Variants in VAX1 observed in about 807,000 individuals in gnomAD.
VAX1 encodes ventral anterior homeobox 1.
VAX1 carries 6 observed loss-of-function variants against 17.6 expected under a neutral mutation model. The observed-to-expected ratio is 0.34, with a 90% confidence interval of 0.19 to 0.67. The LOEUF (loss-of-function observed/expected upper bound fraction) is 0.67, where lower values mean the gene tolerates loss of function less well. Ranked by LOEUF, VAX1 falls within the 30% of genes least tolerant of loss-of-function variation. The pLI is 0.69. For missense variants in VAX1, 408 were observed against 463.7 expected, an observed-to-expected ratio of 0.88 and a Z score of 1.10; for synonymous variants, 256 against 227.4, an observed-to-expected ratio of 1.13 and a Z score of -1.13.
chr10:117,134,003 T>C lies in VAX1; in HGVS notation c.*5A>G. 6.6e-7 allele frequency: 1 copy of C among 1,513,908 alleles called. No individual in the cohort carries two copies. Among genetic ancestry groups the C allele is most frequent in the East Asian group, 2.7e-5 (1 of 36,928 alleles). The allele number at this position is 1,513,908 out of a possible 1,614,324, so 93.8% of individuals were successfully genotyped here. ...ATAAATATAAATACAGGGAAACACT[T>C]AAAATCAGTCCAGCGCTTTTTTCTC... On this transcript the variant is annotated 3_prime_UTR_variant, in exon 3 of 3. Coordinates refer to ENST00000369206, the MANE Select transcript of VAX1 (RefSeq NM_001112704.2). This position sits in a 1 kb window ranked among gnomAD's most constrained non-coding sequence, Gnocchi z 6.2.
rs748117374 is a variant in VAX1 at position 117,133,910 on chromosome 10, G to A, written c.*98C>T. 2.8e-6 allele frequency: 4 copies of A among 1,420,610 alleles called. No individual in the cohort carries two copies. The highest frequency in any genetic ancestry group is 3.7e-6 in the Non-Finnish European group (4 of 1,094,062). The allele number at this position is 1,420,610 out of a possible 1,614,324, so 88.0% of individuals were successfully genotyped here. On this transcript the variant is annotated 3_prime_UTR_variant, in exon 3 of 3. Transcript: ENST00000369206. ...GCTGTCAGAGGCCTGGTGGGAGCCA[G>A]GAGCCCAGCGCAGGAGCTCTGGGCA...
chr10:117,137,491 C>T lies in VAX1; in HGVS notation c.241+325G>A, dbSNP rs933704861. Among the ~76,000 whole-genome samples the T allele has an allele frequency of 6.6e-6, 1 of 152,226 alleles. No homozygotes were observed. The highest frequency in any genetic ancestry group is 1.5e-5 in the Non-Finnish European group (1 of 68,028). On this transcript the variant is annotated intron_variant, in intron 1 of 2. Transcript: ENST00000369206. The surrounding 1 kb of genome is among the most constrained non-coding windows in gnomAD (Gnocchi z 7.4). ...GGCAGGTCGTCCGGCCCTTGGAGCG[C>T]GCACACCTCCTCCCGGAGTTTTCTG...
downstream of VAX1, chr10:117,131,970 G>A (rs1752859401): frequency 4.3e-6 from 2 of 463,488 alleles, no homozygotes; most frequent in Admixed American, 3.9e-5. Flanking sequence ...AGCATTAGGA[G>A]GCAGAGACTT....
chr10:117,132,214 G>A (rs771839259), downstream of VAX1: 1 of 1,613,600 alleles, frequency 6.2e-7, no homozygotes, highest in East Asian at 2.2e-5. This position sits in a 1 kb window ranked among gnomAD's most constrained non-coding sequence, Gnocchi z 4.9. Context: ...CCGCACTATA[G>A]GGGCTGCCAC....
chr10:117,129,169 C>A (rs146384537), downstream of VAX1: 24 of 152,346 alleles, frequency 1.6e-4, no homozygotes, highest in African/African-American at 5.8e-4. Context: ...CAGGAGGCTG[C>A]AGTGTTTTGG....
At chr10:117,128,610 G>A (rs1473942612), downstream of VAX1, 1 of 152,136 alleles carries the variant, frequency 6.6e-6, no homozygotes, top group African/African-American at 2.4e-5. Context: ...CTGTTTCAGG[G>A]TAAGAAGATA....
rs573970996 is a variant in VAX1 at position 117,136,255 on chromosome 10, G to C, written c.429+217C>G. On this transcript the variant is annotated intron_variant, in intron 2 of 2. Coordinates refer to ENST00000369206, the MANE Select transcript of VAX1 (RefSeq NM_001112704.2). This position sits in a 1 kb window ranked among gnomAD's most constrained non-coding sequence, Gnocchi z 5.0. ...CCTAGGCCAAGGTGGATAAAACATG[G>C]GCCCTGGAGGATTTGGGGATGGCAG... Among the ~76,000 whole-genome samples, 10 of 152,356 alleles carry C rather than the reference G, an allele frequency of 6.6e-5. No homozygotes were observed. In the East Asian group the frequency reaches 1.9e-3, roughly 29 times the overall value.
chr10:117,132,853 C>T (rs1854109019), downstream of VAX1, among the ~76,000 whole-genome samples: 1 of 152,172 alleles, frequency 6.6e-6, no homozygotes, highest in Non-Finnish European at 1.5e-5. This position sits in a 1 kb window ranked among gnomAD's most constrained non-coding sequence, Gnocchi z 4.9. Flanking sequence ...CCTCCCCTTC[C>T]GCAAAGAACT....
downstream of VAX1, chr10:117,131,960 A>T (rs1015181813): frequency 2.3e-6 from 1 of 444,068 alleles, no homozygotes; most frequent in Non-Finnish European, 3.9e-6. Context: ...CTAGAAACCT[A>T]GCATTAGGAG....
Position 117,134,500 on chromosome 10 carries a change from C to A in VAX1, c.513G>T (p.Glu171Asp). The change falls in exon 3 of 3, where the codon GAG (glutamate) becomes GAT (aspartate). Residue 171 changes from glutamate (E) to aspartate (D), a missense_variant. Glu to Asp is a conservative substitution (Grantham distance 45). Transcript: ENST00000369206. This position sits in a 1 kb window ranked among gnomAD's most constrained non-coding sequence, Gnocchi z 6.2. ...GTAGCACGCTGCACGTGGCCGCGGT[C>A]TCCGACACCACCGAGCGTAGCTCCG... The part of the protein sequence containing the change: ...KDSELRSVVS[E>D]TAATCSVLRL... The A allele has an allele frequency of 6.5e-7, 1 of 1,529,732 alleles. No individual in the cohort carries two copies. 94.8% of individuals were successfully genotyped at this position (1,529,732 alleles called of 1,614,324 possible).
In VAX1 at chr10:117,137,348, G is replaced by A. The variant is rs1475369201; in HGVS notation, c.241+468C>T. On this transcript the variant is annotated intron_variant, in intron 1 of 2. Coordinates refer to ENST00000369206, the MANE Select transcript of VAX1 (RefSeq NM_001112704.2). This position sits in a 1 kb window ranked among gnomAD's most constrained non-coding sequence, Gnocchi z 7.4. ...ACCGATCGCGGCCGTGGGGTCCTCG[G>A]CCCAGTGCACTAACTGGCAGGGCCG... Among the ~76,000 whole-genome samples the A allele has an allele frequency of 6.6e-6, 1 of 152,084 alleles. No individual in the cohort carries two copies. The highest frequency in any genetic ancestry group is 6.5e-5 in the Admixed American group (1 of 15,282).
At chr10:117,130,293 T>C (rs1854067844), downstream of VAX1, 1 of 152,230 alleles carries the variant, frequency 6.6e-6, no homozygotes, top group South Asian at 2.1e-4. Flanking sequence ...AAATGCTACT[T>C]ATGAATACAT....
At position 117,134,400 on chromosome 10, in the gene VAX1, G is replaced by T; in HGVS notation, c.613C>A (p.Leu205Ile). 1 of 1,471,544 alleles carries T rather than the reference G, an allele frequency of 6.8e-7. No homozygotes were observed. The highest frequency in any genetic ancestry group is 8.9e-7 in the Non-Finnish European group (1 of 1,118,782). The allele number at this position is 1,471,544 out of a possible 1,614,324, so 91.2% of individuals were successfully genotyped here. The change falls in exon 3 of 3, where the codon CTC (leucine) becomes ATC (isoleucine). Residue 205 changes from leucine to isoleucine, a missense_variant. Leu to Ile is a conservative substitution (Grantham distance 5, BLOSUM62 2). Transcript: ENST00000369206. The surrounding 1 kb of genome is among the most constrained non-coding windows in gnomAD (Gnocchi z 6.2). ...ALLPPCATGALGSALRGPSLP... is the reference protein window; with the variant it reads ...ALLPPCATGAIGSALRGPSLP... ...CTGGGCCCGCGCAGCGCTGAGCCGA[G>T]AGCGCCCGTGGCGCAAGGCGGCAGC...
At position 117,137,910 on chromosome 10, in the gene VAX1, G is replaced by T. The variant is rs777847126; in HGVS notation, c.147C>A (p.Gly49=). The T allele has an allele frequency of 1.2e-6, 2 of 1,613,878 alleles. No homozygotes were observed. The highest frequency in any genetic ancestry group is 8.5e-7 in the Non-Finnish European group (1 of 1,179,978). Residue 49 remains glycine (G), a synonymous_variant, in exon 1 of 3, where the codon GGC becomes GGA. Transcript: ENST00000369206. The surrounding 1 kb of genome is among the most constrained non-coding windows in gnomAD (Gnocchi z 7.4). ...LPAAFLKEPQ[G]AFSASGAAED... is the part of the protein sequence containing the mutation. ...CAGCAGCGCCCGACGCTGAGAAGGC[G>T]CCCTGCGGCTCCTTGAGGAAGGCGG...
rs1467628874 is a variant in VAX1 at position 117,134,318 on chromosome 10, G to A, written c.695C>T (p.Ala232Val). 7.6e-6 allele frequency: 8 copies of A among 1,054,164 alleles called. No homozygotes were observed. In the African/African-American group the frequency reaches 8.6e-5, roughly 11 times the overall value. The allele number at this position is 1,054,164 out of a possible 1,614,324, so 65.3% of individuals were successfully genotyped here. A position where few individuals can be genotyped will look rare whatever the true frequency, so the allele number is the denominator to read the frequency against. ...AAGSAAAAAA[A>V]APGPAGAASP... is the part of the protein sequence containing the mutation. The stretch of plus-strand genomic sequence containing the variant: ...TGCAGCGCCCGCTGGGCCCGGGGCG[G>A]CGGCGGCGGCTGCGGCGGCCGAGCC... The change falls in exon 3 of 3, where the codon GCC (alanine) becomes GTC (valine). Residue 232 changes from alanine (A) to valine (V), a missense_variant. Coordinates refer to ENST00000369206, the MANE Select transcript of VAX1 (RefSeq NM_001112704.2). The surrounding 1 kb of genome is among the most constrained non-coding windows in gnomAD (Gnocchi z 6.2).
chr10:117,132,656 C>G (rs913370326), downstream of VAX1, among the ~76,000 whole-genome samples: 2 of 152,162 alleles, frequency 1.3e-5, no homozygotes, highest in Non-Finnish European at 2.9e-5. This position sits in a 1 kb window ranked among gnomAD's most constrained non-coding sequence, Gnocchi z 4.9. Context: ...GTGGCCGTGG[C>G]TGTAGGGACG....
Position 117,134,572 on chromosome 10 carries a change from C to A in VAX1, c.441G>T (p.Trp147Cys). 6.6e-7 allele frequency: 1 copy of A among 1,523,020 alleles called. No homozygotes were observed. The allele number at this position is 1,523,020 out of a possible 1,614,324, so 94.3% of individuals were successfully genotyped here. A position where few individuals can be genotyped will look rare whatever the true frequency, so the allele number is the denominator to read the frequency against. ...TCTGCTTGGTGCGCCGGTTCTGGAA[C>A]CAGACCTTCACCTGCGCGCCGGGGT... ...LNLSETQVKV[W>C]FQNRRTKQKK... The change falls in exon 3 of 3, where the codon TGG becomes TGT. Residue 147 changes from tryptophan (W) to cysteine (C), a missense_variant. Trp to Cys is a radical substitution (Grantham distance 215). This residue lies in a region of VAX1 where 75 missense variants were observed against 116.1 expected (regional missense o/e 0.65). Transcript: ENST00000369206. The surrounding 1 kb of genome is among the most constrained non-coding windows in gnomAD (Gnocchi z 6.2).
downstream of VAX1, chr10:117,129,287 A>G (rs1854055332): frequency 2.0e-5 from 3 of 152,604 alleles, no homozygotes; most frequent in South Asian, 4.1e-4. Flanking sequence ...TTTCTGATTC[A>G]TCAGATGGGA....
In VAX1 at chr10:117,136,631, G is replaced by A. The variant is rs1276608857; in HGVS notation, c.270C>T (p.Ile90=). The A allele has an allele frequency of 1.2e-6, 2 of 1,609,592 alleles. No homozygotes were observed. The highest frequency in any genetic ancestry group is 8.5e-7 in the Non-Finnish European group (1 of 1,176,750). ...RDAKGSIREI[I]LPKGLDLDRP... ...GGTCCAAGTCCAGGCCCTTGGGCAG[G>A]ATGATCTCTCGGATGGACCCCTTGG... is the stretch of plus-strand genomic sequence containing the variant. The change falls in exon 2 of 3, where the codon ATC becomes ATT. Residue 90 remains isoleucine, a synonymous_variant. Transcript: ENST00000369206. This position sits in a 1 kb window ranked among gnomAD's most constrained non-coding sequence, Gnocchi z 5.0.
Sources: gnomAD v4.1 joint callset for allele counts (sites outside exome capture counted in the v4.1 genomes callset) on GRCh38, gnomAD v4.1.1 for gene constraint, gnomAD v4.1.1 regional missense constraint, Gnocchi (gnomAD v3.1) non-coding constraint, MANE v1.5 for transcripts, NCBI Gene and HGNC (gene_info 2026-07-23, HGNC 2026-07-21) for gene names.